The following PAPLN variants were observed in gnomAD, a reference collection of about 807,000 sequenced individuals.
PAPLN encodes papilin.
PAPLN carries 146 observed loss-of-function variants against 159.0 expected under a neutral mutation model. That is an observed-to-expected ratio of 0.92 (90% confidence interval 0.80 to 1.05). The LOEUF is 1.05. Among genes scored for constraint, PAPLN ranks in the 50% least tolerant of loss-of-function variants. The pLI, the probability that PAPLN is intolerant of heterozygous loss-of-function variation, is 0.00. For missense variants in PAPLN, 1,720 were observed against 1,743.9 expected, an observed-to-expected ratio of 0.99 and a Z score of 0.24; for synonymous variants, 734 against 702.9, an observed-to-expected ratio of 1.04 and a Z score of -0.70.
rs368121962 is a variant in PAPLN at position 73,254,678 on chromosome 14, G to A, written c.1468G>A (p.Val490Ile). 3.7e-6 allele frequency: 6 copies of A among 1,613,742 alleles called. No individual in the cohort carries two copies. Among genetic ancestry groups the A allele is most frequent in the African/African-American group, 2.7e-5 (2 of 74,908 alleles). ...CCTCCTCAGTGACCAGGCCTGGCAT[G>A]TTGGCACCTGGGGTCTAGTGAGTGC... The part of the protein sequence containing the change: ...CPLLSDQAWH[V>I]GTWGLCSKSC... Residue 490 changes from valine (V) to isoleucine (I), a missense_variant, in exon 13 of 27, where the codon GTT becomes ATT. Transcript: ENST00000644200.
Position 73,272,630 on chromosome 14 carries a change from G to C in PAPLN, c.3803G>C (p.Arg1268Pro), listed in dbSNP as rs752767935. ...AGCTTCTGCTGTGCCAGCTGTTCAC[G>C]TTTCCAGCCTCACGCTCAGCCCATC... ...YSSFCCASCSRFQPHAQPIWQ is the reference protein window; with the variant it reads ...YSSFCCASCSPFQPHAQPIWQ Residue 1268 changes from arginine (R) to proline (P), a missense_variant, in exon 27 of 27, where the codon CGT (arginine) becomes CCT (proline). Transcript: ENST00000644200. 6 of 1,591,714 alleles carry C rather than the reference G, an allele frequency of 3.8e-6. No homozygotes were observed. The South Asian group carries it at 6.7e-5, about 18-fold the overall frequency.
intron 13 of PAPLN, 61 bp downstream of exon 13, chr14:73,254,756 C>G: frequency 1.3e-6 from 2 of 1,593,432 alleles, no homozygotes; most frequent in Admixed American, 1.7e-5. Flanking sequence ...GTGGCTGCAC[C>G]CGAGCGCCGT....
Position 73,262,769 on chromosome 14 carries a change from C to G in PAPLN, c.2665C>G (p.Pro889Ala). The G allele has an allele frequency of 1.3e-6, 2 of 1,508,674 alleles. No homozygotes were observed. Among genetic ancestry groups the G allele is most frequent in the Non-Finnish European group, 1.8e-6 (2 of 1,134,046 alleles). 93.5% of individuals were successfully genotyped at this position (1,508,674 alleles called of 1,614,324 possible). Residue 889 changes from proline (P) to alanine (A), a missense_variant, in exon 19 of 27, where the codon CCT becomes GCT. Transcript: ENST00000644200. ...PWGQELGSRAPGLGGDAGSPA... is the reference protein window; with the variant it reads ...PWGQELGSRAAGLGGDAGSPA... ...GGGGCAGGAGCTTGGGTCCAGGGCC[C>G]CTGGACTGGGTGGAGATGCCGGATC... is the stretch of plus-strand genomic sequence containing the variant.
In PAPLN at chr14:73,265,324, G is replaced by T; in HGVS notation, c.3126-46G>T. The T allele has an allele frequency of 6.3e-7, 1 of 1,590,348 alleles. No homozygotes were observed. ...CAGAGGTGCCCATGGGAGTAGGCGG[G>T]GGCAACGGCAAGGGCCCCTCATGCT... On this transcript the variant is annotated intron_variant, in intron 22 of 26. Coordinates refer to ENST00000644200, the MANE Select transcript of PAPLN (RefSeq NM_001365906.3). This position sits in a 1 kb window ranked among gnomAD's most constrained non-coding sequence, Gnocchi z 4.1.
rs779395512 is a variant in PAPLN, at chr14:73,244,644, G to A, written c.55G>A (p.Ala19Thr). The A allele has an allele frequency of 2.5e-6, 4 of 1,572,216 alleles. No individual in the cohort carries two copies. The highest frequency in any genetic ancestry group is 2.6e-6 in the Non-Finnish European group (3 of 1,158,870). ...TGATGCATGGTCCTGTCTTCTGCAG[G>A]CTCCCAAGGTGAGGCGGCAGAGTGA... The part of the protein sequence containing the change: ...LLLAPAPGSS[A>T]PKVRRQSDTW... The change falls in exon 3 of 27, where the codon GCT (alanine) becomes ACT (threonine). Residue 19 changes from alanine to threonine, a missense_variant and splice_region_variant. Transcript: ENST00000644200.
rs778173323 is a variant in PAPLN at position 73,262,395 on chromosome 14, C to T, written c.2291C>T (p.Ala764Val). The change falls in exon 19 of 27, where the codon GCA becomes GTA. Residue 764 changes from alanine to valine, a missense_variant. By Grantham distance (64) the Ala-to-Val change is moderately conservative. Coordinates refer to ENST00000644200, the MANE Select transcript of PAPLN (RefSeq NM_001365906.3). Reference protein sequence around the residue: ...CLLPSAHGSCADWAARWYFVA... With the variant: ...CLLPSAHGSCVDWAARWYFVA... ...CTGCCCAGTGCCCATGGCTCTTGCG[C>T]AGACTGGGCTGCCCGCTGGTACTTC... is the stretch of plus-strand genomic sequence containing the variant. 1.2e-6 allele frequency: 2 copies of T among 1,613,996 alleles called. No individual in the cohort carries two copies. Among genetic ancestry groups the T allele is most frequent in the Non-Finnish European group, 1.7e-6 (2 of 1,179,972 alleles).
intron 23 of PAPLN, 113 bp from the exon 24 acceptor site, chr14:73,266,388 C>G (rs1468403799): frequency 1.5e-6 from 2 of 1,328,950 alleles, no homozygotes; most frequent in Non-Finnish European, 2.0e-6. Flanking sequence ...TAGCCTCTCA[C>G]CAGGGACCTA....
chr14:73,262,562 G>C lies in PAPLN; in HGVS notation c.2458G>C (p.Gly820Arg), dbSNP rs1256947606. 6.4e-7 allele frequency: 1 copy of C among 1,567,498 alleles called. No homozygotes were observed. Among genetic ancestry groups the C allele is most frequent in the African/African-American group, 1.4e-5 (1 of 73,930 alleles). ...CCGTCGTCCCCAGCCTGGGGCTTCT[G>C]GAAGGAGCACCCACACGGATGGTGG... The part of the protein sequence containing the change: ...GPRRPQPGAS[G>R]RSTHTDGGGS... Residue 820 changes from glycine to arginine, a missense_variant, in exon 19 of 27, where the codon GGA becomes CGA. By Grantham distance (125) the Gly-to-Arg change is moderately radical. Transcript: ENST00000644200.
rs1404754653 is a variant in PAPLN at position 73,252,652 on chromosome 14, A to G, written c.971A>G (p.His324Arg). The G allele has an allele frequency of 6.2e-7, 1 of 1,612,400 alleles. No homozygotes were observed. The highest frequency in any genetic ancestry group is 8.5e-7 in the Non-Finnish European group (1 of 1,179,838). The change falls in exon 11 of 27, where the codon CAC becomes CGC. Residue 324 changes from histidine (H) to arginine (R), a missense_variant. His to Arg is a conservative substitution (Grantham distance 29). Transcript: ENST00000644200. Reference sequence around the variant, plus strand: ...CCATGGCTGGGCCTCTGCGCAGGTCACCAGTCCCGCCTGGTGTTCTGCACC... The same window carrying G: ...CCATGGCTGGGCCTCTGCGCAGGTCGCCAGTCCCGCCTGGTGTTCTGCACC... ...SDCSAECGGG[H>R]QSRLVFCTID...
In PAPLN at chr14:73,245,956, C is replaced by G. The variant is rs1426763592; in HGVS notation, c.232-117C>G. The G allele has an allele frequency of 2.8e-5, 30 of 1,079,278 alleles. No individual in the cohort carries two copies. The highest frequency in any genetic ancestry group is 3.5e-5 in the Non-Finnish European group (27 of 778,936). 66.9% of individuals were successfully genotyped at this position (1,079,278 alleles called of 1,614,324 possible). On this transcript the variant is annotated intron_variant, in intron 4 of 26. Coordinates refer to ENST00000644200, the MANE Select transcript of PAPLN (RefSeq NM_001365906.3). The surrounding 1 kb of genome is among the most constrained non-coding windows in gnomAD (Gnocchi z 4.2). ...TCCGGGGGGCGGACTCCACCTCCGG[C>G]GGCTCCGATGGGGCAGGCAAGGGAG... is the stretch of plus-strand genomic sequence containing the variant.
In PAPLN at chr14:73,259,334, C is replaced by A; in HGVS notation, c.1774C>A (p.Arg592=). ...PSARGDHRGE[R]GDPRGDQGTH... ...AGCCAGGGGTGACCACAGGGGAGAACGAGGTGACCCCAGGGGCGACCAAGG... is the reference window on the plus strand; with the variant it reads ...AGCCAGGGGTGACCACAGGGGAGAAAGAGGTGACCCCAGGGGCGACCAAGG... The change falls in exon 16 of 27, where the codon CGA becomes AGA. Residue 592 remains arginine (R), a synonymous_variant. Coordinates refer to ENST00000644200, the MANE Select transcript of PAPLN (RefSeq NM_001365906.3). 1.2e-6 allele frequency: 2 copies of A among 1,609,088 alleles called. No homozygotes were observed. Among genetic ancestry groups the A allele is most frequent in the South Asian group, 1.1e-5 (1 of 90,394 alleles).
At chr14:73,267,103 C>T (rs1005246672) in intron 25 of PAPLN, among the ~76,000 whole-genome samples, 1 of 152,148 alleles carries the variant, frequency 6.6e-6, no homozygotes, top group African/African-American at 2.4e-5. Flanking sequence ...TGAGGGCTGT[C>T]CTGTGCTTTG....
At chr14:73,252,563 G>A in intron 10 of PAPLN, 86 bp from the exon 11 acceptor site, 1 of 1,513,898 alleles carries the variant, frequency 6.6e-7, no homozygotes, top group Admixed American at 1.9e-5. Flanking sequence ...GACCTGTGGG[G>A]TGAGTGCAGG....
chr14:73,253,045 AG>A lies in PAPLN; in HGVS notation c.1094+272del. 8.5e-6 allele frequency: 10 copies of A among 1,181,948 alleles called. No individual in the cohort carries two copies. In the South Asian group the frequency reaches 1.1e-4, roughly 13 times the overall value. The allele number at this position is 1,181,948 out of a possible 1,614,324, so 73.2% of individuals were successfully genotyped here. A position where few individuals can be genotyped will look rare whatever the true frequency, so the allele number is the denominator to read the frequency against. On this transcript the variant is annotated intron_variant, in intron 11 of 26. Coordinates refer to ENST00000644200, the MANE Select transcript of PAPLN (RefSeq NM_001365906.3). ...GCAGGAGGGTTGGAGAAGGTTCCAG[AG>A]GTCCCTGTCTGTCTGAGCCAGCAGA...
intron 14 of PAPLN, among the ~76,000 whole-genome samples, chr14:73,255,872 G>T (rs1234439044): frequency 6.6e-5 from 10 of 152,230 alleles, no homozygotes. Context: ...CTGACCAGTT[G>T]TGTGGCCTTG....
chr14:73,268,489 C>T (rs1887427027), intron 25 of PAPLN, 68 bp from the exon 26 acceptor site: 3 of 1,510,652 alleles, frequency 2.0e-6, no homozygotes, highest in African/African-American at 1.4e-5. Context: ...CCTTTGATTA[C>T]CTCTTCCCTC....
chr14:73,252,474 G>A (rs1257279167), intron 10 of PAPLN, among the ~76,000 whole-genome samples, 175 bp from the exon 11 acceptor site: 1 of 152,186 alleles, frequency 6.6e-6, no homozygotes, highest in African/African-American at 2.4e-5. Flanking sequence ...AAAACCCTCA[G>A]AGCCTCAGTT....
intron 19 of PAPLN, 125 bp from the exon 20 acceptor site, chr14:73,263,520 C>T (rs1471970652): frequency 3.1e-6 from 4 of 1,292,542 alleles, no homozygotes; most frequent in African/African-American, 1.5e-5. Context: ...CATAGGGACC[C>T]TCTAGCCCCA....
Position 73,249,347 on chromosome 14 carries a change from T to G in PAPLN, c.335-637T>G, listed in dbSNP as rs1884961552. 5.9e-5 allele frequency among the ~76,000 whole-genome samples: 9 copies of G among 152,322 alleles called. No homozygotes were observed. In the South Asian group the frequency reaches 1.9e-3, roughly 32 times the overall value. On this transcript the variant is annotated intron_variant, in intron 5 of 26. Coordinates refer to ENST00000644200, the MANE Select transcript of PAPLN (RefSeq NM_001365906.3). ...ATCATTTGTAACTGCATAGTCAGCA[T>G]GTGTAATATTCCATTGATAATTTAT...
Sources: allele counts gnomAD v4.1 joint callset (sites outside exome capture counted in the v4.1 genomes callset), GRCh38; gene constraint gnomAD v4.1.1; non-coding constraint Gnocchi (gnomAD v3.1); transcripts MANE v1.5; gene names NCBI Gene and HGNC (gene_info 2026-07-23, HGNC 2026-07-21).